C1RL: variants seen among roughly 807,000 people sequenced by gnomAD.
The protein encoded by C1RL is complement C1r subcomponent like.
In C1RL, 27 loss-of-function variants were observed where a neutral mutation model predicts 27.9. That is an observed-to-expected ratio of 0.97 (90% CI 0.71 to 1.33). The LOEUF (loss-of-function observed/expected upper bound fraction) is 1.33. Among genes scored for constraint, C1RL ranks in the 40% most tolerant of loss-of-function variants. C1RL has a pLI of 0.00. For synonymous variants in C1RL, 248 were observed against 252.1 expected (o/e 0.98, Z 0.15); for missense variants, 563 against 623.9 (o/e 0.90, Z 1.04).
At position 7,109,106 on chromosome 12, in the gene C1RL, T is replaced by C. The variant is rs1385420271; in HGVS notation, c.71+4A>G. On this transcript the variant is annotated splice_donor_region_variant and intron_variant, in intron 1 of 5. Coordinates refer to ENST00000266542, the MANE Select transcript of C1RL (RefSeq NM_016546.4). ...CCCTCCTCCTCTGCCGGGGCCACAC[T>C]CACATTGCGCCTGGACAGCCTTTGG... is the stretch of plus-strand genomic sequence containing the variant. 8.2e-6 allele frequency: 13 copies of C among 1,586,200 alleles called. No homozygotes were observed. The highest frequency in any genetic ancestry group is 8.6e-6 in the Non-Finnish European group (10 of 1,164,798).
In C1RL at chr12:7,109,116, C is replaced by T; in HGVS notation, c.65G>A (p.Gly22Asp). Residue 22 changes from glycine to aspartate, a missense_variant, in exon 1 of 6, where the codon GGC becomes GAC. Gly to Asp is a moderately conservative substitution (Grantham distance 94). Coordinates refer to ENST00000266542, the MANE Select transcript of C1RL (RefSeq NM_016546.4). ...WRSPHSKGCP[G>D]AMWWLLLWGV... ...CTGCCGGGGCCACACTCACATTGCG[C>T]CTGGACAGCCTTTGGAGTGAGGGCT... 1 of 1,591,920 alleles carries T rather than the reference C, an allele frequency of 6.3e-7. No individual in the cohort carries two copies. Among genetic ancestry groups the T allele is most frequent in the Non-Finnish European group, 8.6e-7 (1 of 1,168,150 alleles).
chr12:7,096,814 G>C lies in C1RL; in HGVS notation c.1041C>G (p.His347Gln). Residue 347 changes from histidine (H) to glutamine (Q), a missense_variant, in exon 6 of 6, where the codon CAC (histidine) becomes CAG (glutamine). Physicochemically the swap from His to Gln is conservative, Grantham distance 24 (BLOSUM62 0). Coordinates refer to ENST00000266542, the MANE Select transcript of C1RL (RefSeq NM_016546.4). ...GGACGTTGGGGCCCAGGGGGATGCT[G>C]TGCTGCAGCTCCAGGAGGGCGATGT... ...SGDIALLELQ[H>Q]SIPLGPNVLP... is the part of the protein sequence containing the mutation. 5 of 1,605,520 alleles carry C rather than the reference G, an allele frequency of 3.1e-6. No homozygotes were observed. The highest frequency in any genetic ancestry group is 4.3e-6 in the Non-Finnish European group (5 of 1,175,240).
chr12:7,106,773 G>A (rs1030771594), intron 2 of C1RL, among the ~76,000 whole-genome samples: 2 of 152,084 alleles, frequency 1.3e-5, no homozygotes, highest in Middle Eastern at 3.2e-3. Flanking sequence ...TGTAACTATT[G>A]ACTCCTAGGA....
At chr12:7,100,653 G>A (rs956695585) in intron 3 of C1RL, among the ~76,000 whole-genome samples, 1 of 152,134 alleles carries the variant, frequency 6.6e-6, no homozygotes, top group African/African-American at 2.4e-5. Context: ...GCTGGGTGTG[G>A]TGGCATACCT....
rs868745613 is a variant in C1RL at position 7,096,219 on chromosome 12, G to A, written c.*172C>T. ...CTGTCTGGGATGGGGCGGGCTTGCC[G>A]GGTGGGGGTTTCTCTTGCAGTGGCT... On this transcript the variant is annotated 3_prime_UTR_variant, in exon 6 of 6. Coordinates refer to ENST00000266542, the MANE Select transcript of C1RL (RefSeq NM_016546.4). 5 of 1,387,016 alleles carry A rather than the reference G, an allele frequency of 3.6e-6. No homozygotes were observed. Among genetic ancestry groups the A allele is most frequent in the East Asian group, 5.4e-5 (2 of 36,770 alleles). 85.9% of individuals were successfully genotyped at this position (1,387,016 alleles called of 1,614,324 possible).
In C1RL at chr12:7,096,706, G is replaced by A; in HGVS notation, c.1149C>T (p.Gly383=). The change falls in exon 6 of 6, where the codon GGC becomes GGT. Residue 383 remains glycine (G), a synonymous_variant. Coordinates refer to ENST00000266542, the MANE Select transcript of C1RL (RefSeq NM_016546.4). ...AGTACTTCAGCTCAGTAGTTAGCCA[G>A]CCCATCTCCATGCCAAACCCACTGA... ...GYVSGFGMEM[G]WLTTELKYSR... 1 of 1,614,006 alleles carries A rather than the reference G, an allele frequency of 6.2e-7. No individual in the cohort carries two copies. Among genetic ancestry groups the A allele is most frequent in the Non-Finnish European group, 8.5e-7 (1 of 1,179,952 alleles).
chr12:7,102,532 TCTC>T (rs1200041776), intron 2 of C1RL, among the ~76,000 whole-genome samples: 1 of 152,058 alleles, frequency 6.6e-6, no homozygotes, highest in Non-Finnish European at 1.5e-5. Flanking sequence ...CCATCCAGCT[TCTC>T]CTCCATCCCC....
chr12:7,100,070 C>T, intron 3 of C1RL, 44 bp from the exon 4 acceptor site: 1 of 1,568,830 alleles, frequency 6.4e-7, no homozygotes, highest in Non-Finnish European at 8.7e-7. Flanking sequence ...AACTGGCAAC[C>T]CAGGGGCTGA....
chr12:7,105,118 C>T (rs1938727364), intron 2 of C1RL, among the ~76,000 whole-genome samples: 1 of 152,172 alleles, frequency 6.6e-6, no homozygotes, highest in African/African-American at 2.4e-5. Flanking sequence ...AACTGGCTGC[C>T]CCCAAATAAA....
At chr12:7,103,366 A>T (rs962883303) in intron 2 of C1RL, among the ~76,000 whole-genome samples, 11 of 152,228 alleles carry the variant, frequency 7.2e-5, no homozygotes, top group Admixed American at 2.0e-4. Context: ...AGACTTTGCT[A>T]CTAATTCCAT....
At chr12:7,097,471 C>T (rs1938484931) in intron 5 of C1RL, among the ~76,000 whole-genome samples, 1 of 151,928 alleles carries the variant, frequency 6.6e-6, no homozygotes, top group African/African-American at 2.4e-5. Flanking sequence ...TTAGTAGAGA[C>T]GGGGTTTCAT....
intron 5 of C1RL, among the ~76,000 whole-genome samples, chr12:7,098,920 G>A (rs1183675082): frequency 3.3e-5 from 5 of 152,074 alleles, no homozygotes; most frequent in African/African-American, 1.2e-4. Context: ...TTAAGGCTGG[G>A]CGCAGTGGCC....
At chr12:7,105,082 G>C (rs142412058) in intron 2 of C1RL, among the ~76,000 whole-genome samples, 2 of 152,254 alleles carry the variant, frequency 1.3e-5, no homozygotes, top group African/African-American at 4.8e-5. Context: ...CCCTGAGCTG[G>C]AATCTGCAGG....
rs759069993 is a variant in C1RL, at chr12:7,096,690, G to A, written c.1165C>T (p.Leu389=). ...GMEMGWLTTE[L]KYSRLPVAPR... is the part of the protein sequence containing the mutation. ...GCTACAGGCAGCCTCGAGTACTTCA[G>A]CTCAGTAGTTAGCCAGCCCATCTCC... The change falls in exon 6 of 6, where the codon CTG becomes TTG. Residue 389 remains leucine, a synonymous_variant. Coordinates refer to ENST00000266542, the MANE Select transcript of C1RL (RefSeq NM_016546.4). 2.5e-6 allele frequency: 4 copies of A among 1,613,972 alleles called. No individual in the cohort carries two copies. In the African/African-American group the frequency reaches 5.3e-5, roughly 22 times the overall value.
At position 7,108,228 on chromosome 12, in the gene C1RL, G is replaced by T. The variant is rs759951700; in HGVS notation, c.300+23C>A. 22 of 1,551,864 alleles carry T rather than the reference G, an allele frequency of 1.4e-5. No homozygotes were observed. The South Asian group carries it at 2.4e-4, about 17-fold the overall frequency. On this transcript the variant is annotated intron_variant, in intron 2 of 5. Transcript: ENST00000266542. Reference sequence around the variant, plus strand: ...ATCTCCCTGGCCACAGTCCTGGCGGGACCCCCCCCATCCCCAGCTCACTGT... The same window carrying T: ...ATCTCCCTGGCCACAGTCCTGGCGGTACCCCCCCCATCCCCAGCTCACTGT...
At chr12:7,105,888 C>T (rs983847034) in intron 2 of C1RL, among the ~76,000 whole-genome samples, 4 of 151,870 alleles carry the variant, frequency 2.6e-5, no homozygotes, top group African/African-American at 9.7e-5. Flanking sequence ...TCCCAGGAGG[C>T]AGAACAAAAG....
At position 7,104,127 on chromosome 12, in the gene C1RL, G is replaced by A. The variant is rs1055466224; in HGVS notation, c.301-2040C>T. On this transcript the variant is annotated intron_variant, in intron 2 of 5. Coordinates refer to ENST00000266542, the MANE Select transcript of C1RL (RefSeq NM_016546.4). This position sits in a 1 kb window ranked among gnomAD's most constrained non-coding sequence, Gnocchi z 5.4. ...ATAACTTGAGTTTGCAATGATGGGA[G>A]CCAACATAAAGCAAGCAGGTTCTCA... Among the ~76,000 whole-genome samples the A allele has an allele frequency of 2.5e-4, 38 of 152,202 alleles. No homozygotes were observed. The highest frequency in any genetic ancestry group is 7.3e-5 in the Non-Finnish European group (5 of 68,044).
In C1RL at chr12:7,096,535, A is replaced by G; in HGVS notation, c.1320T>C (p.Tyr440=). ...GATGGGCATGATTGTCCCATACCAC[A>G]TAGACGCTGCCACTGTCCCCCTGGC... is the stretch of plus-strand genomic sequence containing the variant. ...SVCQGDSGSV[Y]VVWDNHAHHW... The change falls in exon 6 of 6, where the codon TAT becomes TAC. Residue 440 remains tyrosine (Y), a synonymous_variant. Coordinates refer to ENST00000266542, the MANE Select transcript of C1RL (RefSeq NM_016546.4). 3 of 1,614,118 alleles carry G rather than the reference A, an allele frequency of 1.9e-6. No homozygotes were observed. The highest frequency in any genetic ancestry group is 2.5e-6 in the Non-Finnish European group (3 of 1,180,016).
chr12:7,099,636 G>A, intron 5 of C1RL, 50 bp downstream of exon 5: 1 of 1,546,262 alleles, frequency 6.5e-7, no homozygotes. Flanking sequence ...GTAGGTCCCA[G>A]TTGCAGCTGA....
Sources: gnomAD v4.1 joint callset for allele counts (sites outside exome capture counted in the v4.1 genomes callset) on GRCh38, gnomAD v4.1.1 for gene constraint, Gnocchi (gnomAD v3.1) non-coding constraint, MANE v1.5 for transcripts, NCBI Gene and HGNC (gene_info 2026-07-23, HGNC 2026-07-21) for gene names.